The following PEAK1 variants were observed in gnomAD, a reference collection of about 807,000 sequenced individuals.
The protein encoded by PEAK1 is inactive tyrosine-protein kinase PEAK1.
A neutral mutation model predicts 124.7 loss-of-function variants in PEAK1; 54 were observed. That is an observed-to-expected ratio of 0.43 (90% CI 0.35 to 0.54). The LOEUF (loss-of-function observed/expected upper bound fraction) is 0.54. Among genes scored for constraint, PEAK1 ranks in the 20% least tolerant of loss-of-function variants. The pLI, the probability that PEAK1 is intolerant of heterozygous loss-of-function variation, is 0.01. For missense variants in PEAK1, 2,046 were observed against 2,134.5 expected, an observed-to-expected ratio of 0.96 and a Z score of 0.82; for synonymous variants, 719 against 760.0, an observed-to-expected ratio of 0.95 and a Z score of 0.89.
chr15:77,140,718 T>C (rs568281367), intron 8 of PEAK1, among the ~76,000 whole-genome samples: 3 of 152,134 alleles, frequency 2.0e-5, no homozygotes, highest in Admixed American at 1.3e-4. Context: ...CCATTTCTTT[T>C]TTTTTCTTTT....
chr15:77,342,171 AAAC>A (rs2066581705), intron 2 of PEAK1, among the ~76,000 whole-genome samples: 2 of 150,632 alleles, frequency 1.3e-5, no homozygotes, highest in African/African-American at 4.9e-5. Flanking sequence ...AAAAAAAAAA[AAAC>A]ACACACACAA....
chr15:77,331,132 CTTAT>C (rs1251422315), intron 2 of PEAK1: 17 of 566,044 alleles, frequency 3.0e-5, no homozygotes, highest in Middle Eastern at 9.1e-4. Flanking sequence ...AAAATTTTTA[CTTAT>C]TTATTTATTT....
In PEAK1 at chr15:77,114,184, C is replaced by A; in HGVS notation, c.5213G>T (p.Cys1738Phe). The A allele has an allele frequency of 6.2e-7, 1 of 1,614,176 alleles. No individual in the cohort carries two copies. Residue 1738 changes from cysteine (C) to phenylalanine (F), a missense_variant, in exon 10 of 10, where the codon TGT becomes TTT. By Grantham distance (205) the Cys-to-Phe change is radical (BLOSUM62 -2). Coordinates refer to ENST00000682557, the MANE Select transcript of PEAK1 (RefSeq NM_001385026.1). ...ACGGTGCTGCAGAATTTTCACAATA[C>A]AACTGAGGGAGTCTGTAGTGGCAAA... ...LAFATTDSLS[C>F]IVKILQHR
intron 5 of PEAK1, among the ~76,000 whole-genome samples, chr15:77,278,242 T>TA (rs2152962772): frequency 6.6e-6 from 1 of 152,192 alleles, no homozygotes; most frequent in Non-Finnish European, 1.5e-5. Flanking sequence ...TACATTGTGA[T>TA]ATAGTCATAC....
At chr15:77,317,487 A>G (rs1193214336) in intron 2 of PEAK1, among the ~76,000 whole-genome samples, 2 of 152,106 alleles carry the variant, frequency 1.3e-5, no homozygotes, top group African/African-American at 4.8e-5. Flanking sequence ...GTAAATTTAT[A>G]TTTTGACTTT....
At chr15:77,249,657 G>C (rs1306180093) in intron 6 of PEAK1, among the ~76,000 whole-genome samples, 2 of 152,122 alleles carry the variant, frequency 1.3e-5, no homozygotes, top group African/African-American at 4.8e-5. Context: ...GGGAGAATCA[G>C]TGCAGTTATT....
At chr15:77,383,920 C>T (rs1254204380) in intron 1 of PEAK1, among the ~76,000 whole-genome samples, 4 of 152,054 alleles carry the variant, frequency 2.6e-5, no homozygotes, top group Admixed American at 2.6e-4. Flanking sequence ...TCAAACTACC[C>T]GTTCATGGAA....
At chr15:77,263,805 A>C (rs1325004898) in intron 5 of PEAK1, among the ~76,000 whole-genome samples, 6 of 152,288 alleles carry the variant, frequency 3.9e-5, no homozygotes, top group Admixed American at 1.3e-4. Context: ...ACAACAACAA[A>C]AAAAAGAATT....
intron 6 of PEAK1, among the ~76,000 whole-genome samples, chr15:77,200,433 T>C (rs1331003012): frequency 6.6e-6 from 1 of 152,174 alleles, no homozygotes; most frequent in African/African-American, 2.4e-5. Context: ...ACCTCTACAT[T>C]GTTCAAGGGT....
At chr15:77,250,961 T>G (rs2060851792) in intron 6 of PEAK1, among the ~76,000 whole-genome samples, 1 of 152,218 alleles carries the variant, frequency 6.6e-6, no homozygotes, top group Non-Finnish European at 1.5e-5. Context: ...TTTACCAACA[T>G]GAAACAGGTT....
intron 2 of PEAK1, among the ~76,000 whole-genome samples, chr15:77,363,406 G>T (rs2068025561): frequency 1.3e-5 from 2 of 152,114 alleles, no homozygotes; most frequent in South Asian, 4.1e-4. Flanking sequence ...CTATGGAGAG[G>T]CCTCCTCAAC....
In PEAK1 at chr15:77,130,732, T is replaced by C. The variant is rs146388513; in HGVS notation, c.4077+2273A>G. ...TACCTTAAGTTTACATATAGGGCTT[T>C]GTGTTCTTCAAAAACCTTTCATATG... On this transcript the variant is annotated intron_variant, in intron 9 of 9. Transcript: ENST00000682557. Among the ~76,000 whole-genome samples, 16 of 152,342 alleles carry C rather than the reference T, an allele frequency of 1.1e-4. No homozygotes were observed. The East Asian group carries it at 2.7e-3, about 26-fold the overall frequency.
Position 77,178,994 on chromosome 15 carries a change from T to G in PEAK1, c.2933A>C (p.Lys978Thr). Reference sequence around the variant, plus strand: ...GGCTGGTTTCTCACTGGACTCTCCTTTCGCCTCTGTGAACCAGTGATGGCG... The same window carrying G: ...GGCTGGTTTCTCACTGGACTCTCCTGTCGCCTCTGTGAACCAGTGATGGCG... ...VQRHHWFTEAKGESSEKPAIV... is the reference protein window; with the variant it reads ...VQRHHWFTEATGESSEKPAIV... The change falls in exon 7 of 10, where the codon AAA becomes ACA. Residue 978 changes from lysine to threonine, a missense_variant. Coordinates refer to ENST00000682557, the MANE Select transcript of PEAK1 (RefSeq NM_001385026.1). The G allele has an allele frequency of 6.2e-7, 1 of 1,614,104 alleles. No individual in the cohort carries two copies. The highest frequency in any genetic ancestry group is 1.3e-5 in the African/African-American group (1 of 75,044).
At chr15:77,353,460 C>A (rs1397805739) in intron 2 of PEAK1, among the ~76,000 whole-genome samples, 2 of 152,074 alleles carry the variant, frequency 1.3e-5, no homozygotes, top group Admixed American at 6.5e-5. Context: ...CGAAGCTGGA[C>A]CCTGGCTTGA....
chr15:77,259,528 G>A (rs2061332409), intron 5 of PEAK1, among the ~76,000 whole-genome samples: 1 of 152,064 alleles, frequency 6.6e-6, no homozygotes, highest in African/African-American at 2.4e-5. Context: ...GTACATCAAT[G>A]GATAAGTGTT....
intron 6 of PEAK1, among the ~76,000 whole-genome samples, chr15:77,182,247 T>C (rs1217179978): frequency 6.6e-6 from 1 of 152,184 alleles, no homozygotes; most frequent in Non-Finnish European, 1.5e-5. Flanking sequence ...TTTTATGCAC[T>C]CTTATCTATC....
At chr15:77,258,469 A>G (rs139756095) in intron 5 of PEAK1, among the ~76,000 whole-genome samples, 1,918 of 152,098 alleles carry the variant, frequency 0.013, 49 homozygotes, top group African/African-American at 0.044. Flanking sequence ...ATTCCTAGGT[A>G]TTGTATTCTC....
At chr15:77,182,171 A>G (rs2057308085) in intron 6 of PEAK1, 131 bp from the exon 7 acceptor site, 2 of 799,892 alleles carry the variant, frequency 2.5e-6, no homozygotes. Context: ...GAGCTAAACT[A>G]ATTTGTGTAC....
intron 2 of PEAK1, among the ~76,000 whole-genome samples, chr15:77,288,436 A>G (rs1311778305): frequency 1.3e-5 from 2 of 152,196 alleles, no homozygotes; most frequent in Admixed American, 1.3e-4. Flanking sequence ...TACACCACCA[A>G]GCTCACATAT....
Sources: allele counts gnomAD v4.1 joint callset (sites outside exome capture counted in the v4.1 genomes callset), GRCh38; gene constraint gnomAD v4.1.1; transcripts MANE v1.5; gene names NCBI Gene and HGNC (gene_info 2026-07-23, HGNC 2026-07-21).